The following CCDC77 variants were observed in gnomAD, a reference collection of about 807,000 sequenced individuals.
CCDC77 encodes coiled-coil domain-containing protein 77.
In CCDC77, 56 loss-of-function variants were observed where a neutral mutation model predicts 66.8. The observed-to-expected ratio is 0.84, with a 90% CI of 0.68 to 1.05. The LOEUF is 1.05. CCDC77 is among the 50% of genes least tolerant of loss of function. CCDC77 has a pLI of 0.00. For missense variants in CCDC77, 570 were observed against 576.8 expected (o/e 0.99, Z 0.12); for synonymous variants, 196 against 195.2 (o/e 1.00, Z -0.03).
chr12:404,292 G>A (rs1367197841), intron 1 of CCDC77, among the ~76,000 whole-genome samples: 1 of 152,224 alleles, frequency 6.6e-6, no homozygotes, highest in Non-Finnish European at 1.5e-5. Context: ...CTCCAGCCTG[G>A]GCTGAACAGA....
chr12:393,329 A>T (rs1432393579), intron 1 of CCDC77, among the ~76,000 whole-genome samples: 1 of 152,010 alleles, frequency 6.6e-6, no homozygotes, highest in Non-Finnish European at 1.5e-5. Context: ...GCCCAGACTG[A>T]TCTCAAACTC....
chr12:436,158 T>C (rs553995460), intron 9 of CCDC77, among the ~76,000 whole-genome samples: 293 of 143,528 alleles, frequency 2.0e-3, no homozygotes, highest in South Asian at 0.015. Flanking sequence ...CGCTGTGTCG[T>C]CCAGGCTGGA....
At chr12:427,282 G>A (rs937455095) in intron 5 of CCDC77, among the ~76,000 whole-genome samples, 4 of 150,334 alleles carry the variant, frequency 2.7e-5, no homozygotes, top group African/African-American at 9.8e-5. Context: ...CCTGAAAAAC[G>A]AGTCAGAGAT....
At chr12:400,916 T>C (rs112795227), upstream of CCDC77, among the ~76,000 whole-genome samples, 10 of 152,248 alleles carry the variant, frequency 6.6e-5, no homozygotes, top group African/African-American at 2.4e-4. Context: ...TAAAGGAAAG[T>C]GCGAGCCTGT....
At chr12:395,202 C>T (rs1002791039) in intron 1 of CCDC77, 3 of 152,284 alleles carry the variant, frequency 2.0e-5, no homozygotes, top group Non-Finnish European at 4.4e-5. Context: ...CCTCAGCCTC[C>T]TGAGTAGCTA....
At position 441,771 on chromosome 12, in the gene CCDC77, T is replaced by G; in HGVS notation, c.1321-3T>G. 1 of 1,550,960 alleles carries G rather than the reference T, an allele frequency of 6.4e-7. No homozygotes were observed. The highest frequency in any genetic ancestry group is 8.8e-7 in the Non-Finnish European group (1 of 1,131,390). On this transcript the variant is annotated splice_polypyrimidine_tract_variant and splice_region_variant and intron_variant, in intron 12 of 12. Coordinates refer to ENST00000239830, the MANE Select transcript of CCDC77 (RefSeq NM_032358.4). Reference sequence around the variant, plus strand: ...TTTTTTTTTTTTTTTTTCAAACCCCTAGGCAACAGTTAATGCCCGGGCAAA... The same window carrying G: ...TTTTTTTTTTTTTTTTTCAAACCCCGAGGCAACAGTTAATGCCCGGGCAAA...
chr12:435,243 T>C (rs1006557608), intron 9 of CCDC77, among the ~76,000 whole-genome samples: 14 of 151,062 alleles, frequency 9.3e-5, no homozygotes, highest in Non-Finnish European at 1.8e-4. Context: ...GTATTCCGTT[T>C]CCAAATGCTC....
Position 411,771 on chromosome 12 carries a change from T to C in CCDC77, c.63T>C (p.Gly21=). ...GGCGAACAGTTGTCTCCAAACGTGG[T>C]GTTGCCGTCAGTGGTCCCACCAAGA... ...CRKRTVVSKR[G]VAVSGPTKRR... The change falls in exon 4 of 13, where the codon GGT becomes GGC. Residue 21 remains glycine, a synonymous_variant. Transcript: ENST00000239830. 2 of 1,613,848 alleles carry C rather than the reference T, an allele frequency of 1.2e-6. No homozygotes were observed. Among genetic ancestry groups the C allele is most frequent in the Non-Finnish European group, 1.7e-6 (2 of 1,179,890 alleles).
chr12:422,391 C>A (rs1945417713), intron 5 of CCDC77, among the ~76,000 whole-genome samples: 2 of 152,224 alleles, frequency 1.3e-5, no homozygotes, highest in Non-Finnish European at 1.5e-5. Flanking sequence ...TTTTCATATT[C>A]CTAAACTGAA....
chr12:392,271 C>A (rs191285217), intron 1 of CCDC77, among the ~76,000 whole-genome samples: 1 of 151,982 alleles, frequency 6.6e-6, no homozygotes, highest in African/African-American at 2.4e-5. Context: ...TTGGCTAGAC[C>A]GTGGTCCCTG....
intron 4 of CCDC77, among the ~76,000 whole-genome samples, chr12:414,689 A>G (rs2137557729): frequency 6.6e-6 from 1 of 151,734 alleles, no homozygotes; most frequent in East Asian, 1.9e-4. Context: ...CTTTTTCTTT[A>G]TTCTTTGTCT....
intron 3 of CCDC77, among the ~76,000 whole-genome samples, 185 bp from the exon 4 acceptor site, chr12:411,562 C>G (rs1945111592): frequency 6.6e-6 from 1 of 151,980 alleles, no homozygotes; most frequent in South Asian, 2.1e-4. Context: ...AAGTGATTCT[C>G]CCACCTTGGC....
rs528938184 is a variant in CCDC77 at position 440,352 on chromosome 12, G to C, written c.1042-265G>C. 5.2e-4 allele frequency among the ~76,000 whole-genome samples: 79 copies of C among 152,304 alleles called. No homozygotes were observed. In the South Asian group the frequency reaches 0.016, roughly 30 times the overall value. ...ATATTGTAATGTCTTCCTTGGGACA[G>C]CTTCTGAGCTCCGTTATCTGAGTCT... On this transcript the variant is annotated intron_variant, in intron 10 of 12. Coordinates refer to ENST00000239830, the MANE Select transcript of CCDC77 (RefSeq NM_032358.4).
intron 8 of CCDC77, among the ~76,000 whole-genome samples, chr12:432,173 T>C (rs1485501109): frequency 6.6e-6 from 1 of 152,346 alleles, no homozygotes; most frequent in East Asian, 1.9e-4. Flanking sequence ...CTCTGAACCT[T>C]CAATTCAATA....
intron 1 of CCDC77, among the ~76,000 whole-genome samples, chr12:402,824 G>A (rs1944922618): frequency 6.6e-6 from 1 of 152,214 alleles, no homozygotes; most frequent in South Asian, 2.1e-4. Context: ...CATATGGTTA[G>A]ACAGGAGGTT....
At chr12:389,902 C>T (rs1465826137) in intron 1 of CCDC77, 1 of 152,370 alleles carries the variant, frequency 6.6e-6, no homozygotes, top group Non-Finnish European at 1.5e-5. Context: ...AAGTGCAGGT[C>T]TAACCCATCC....
At chr12:404,881 C>T (rs368128924) in intron 1 of CCDC77, among the ~76,000 whole-genome samples, 49 of 152,140 alleles carry the variant, frequency 3.2e-4, no homozygotes, top group African/African-American at 1.1e-3. Context: ...CACCACCATG[C>T]CCAGCTAACT....
intron 1 of CCDC77, among the ~76,000 whole-genome samples, chr12:391,950 G>A (rs932755638): frequency 1.3e-5 from 2 of 152,128 alleles, no homozygotes; most frequent in African/African-American, 2.4e-5. Flanking sequence ...TCCCTCAGGG[G>A]GGGCACATGA....
intron 4 of CCDC77, among the ~76,000 whole-genome samples, chr12:414,559 A>G (rs1945184121): frequency 6.6e-6 from 1 of 152,140 alleles, no homozygotes; most frequent in Non-Finnish European, 1.5e-5. Flanking sequence ...ATACGGGATG[A>G]TGACTGTTAA....
Sources: allele counts gnomAD v4.1 joint callset (sites outside exome capture counted in the v4.1 genomes callset), GRCh38; gene constraint gnomAD v4.1.1; transcripts MANE v1.5; gene names NCBI Gene and HGNC (gene_info 2026-07-23, HGNC 2026-07-21).